The following PCYT1B variants were observed in gnomAD, a reference collection of about 807,000 sequenced individuals.
The protein encoded by PCYT1B is phosphate cytidylyltransferase 1B, choline.
In PCYT1B, 10 loss-of-function variants were observed where a neutral mutation model predicts 26.4. That is an observed-to-expected ratio of 0.38 (90% CI 0.23 to 0.64). PCYT1B has a LOEUF of 0.64. PCYT1B is among the 30% of genes least tolerant of loss of function. PCYT1B has a pLI of 0.56. For missense variants in PCYT1B, 161 were observed against 292.7 expected, an observed-to-expected ratio of 0.55 and a Z score of 3.28; for synonymous variants, 131 against 108.4, an observed-to-expected ratio of 1.21 and a Z score of -1.29.
intron 1 of PCYT1B, among the ~76,000 whole-genome samples, chrX:24,637,479 T>TAAAAAAAAAA (rs1201643219): frequency 6.7e-5 from 4 of 59,491 alleles, no homozygotes; most frequent in African/African-American, 4.6e-4. Flanking sequence ...CCATCTCTAC[T>TAAAAAAAAAA]AAAAAAAAAA....
At chrX:24,601,136 A>T (rs1924946413) in intron 3 of PCYT1B, among the ~76,000 whole-genome samples, 2 of 112,029 alleles carry the variant, frequency 1.8e-5, no homozygotes, top group Non-Finnish European at 3.8e-5. Context: ...GATAAGGTGG[A>T]CTTTATTAAA....
chrX:24,656,634 G>A (rs1268439962), intron 1 of PCYT1B, among the ~76,000 whole-genome samples: 6 of 87,847 alleles, frequency 6.8e-5, no homozygotes, highest in Non-Finnish European at 1.2e-4. Flanking sequence ...TCGGCTCACT[G>A]CAGCCTCTGC....
intron 3 of PCYT1B, among the ~76,000 whole-genome samples, chrX:24,593,574 T>G (rs1924677008): frequency 9.4e-6 from 1 of 106,751 alleles, no homozygotes; most frequent in Non-Finnish European, 1.9e-5. Context: ...TTGCCCAGGC[T>G]GGAGTGCAAT....
At chrX:24,615,840 T>C (rs1925472349) in intron 2 of PCYT1B, among the ~76,000 whole-genome samples, 1 of 112,115 alleles carries the variant, frequency 8.9e-6, no homozygotes, top group African/African-American at 3.2e-5. Flanking sequence ...AGATCACAGC[T>C]ACTGTCTGAG....
intron 6 of PCYT1B, among the ~76,000 whole-genome samples, 172 bp downstream of exon 6, chrX:24,579,144 T>A (rs1602155803): frequency 2.4e-5 from 2 of 83,381 alleles, no homozygotes; most frequent in Non-Finnish European, 4.8e-5. Context: ...ACAAGTTAAA[T>A]CAAACTTAAA....
intron 1 of PCYT1B, among the ~76,000 whole-genome samples, chrX:24,662,434 C>G (rs1249493469): frequency 9.0e-6 from 1 of 111,188 alleles, no homozygotes; most frequent in Middle Eastern, 4.3e-3. Flanking sequence ...TCCTACAATG[C>G]ACAGGACAAT....
At chrX:24,577,611 C>T (rs1326854967) in intron 6 of PCYT1B, among the ~76,000 whole-genome samples, 1 of 112,049 alleles carries the variant, frequency 8.9e-6, no homozygotes, top group Admixed American at 9.5e-5. Flanking sequence ...ACTCTCAACA[C>T]TCCCTGCCTT....
intron 3 of PCYT1B, among the ~76,000 whole-genome samples, chrX:24,593,623 T>C (rs1244347481): frequency 9.2e-6 from 1 of 108,403 alleles, no homozygotes; most frequent in Non-Finnish European, 1.9e-5. Context: ...ACCTTCTGGG[T>C]TCAAGCAATT....
intron 3 of PCYT1B, among the ~76,000 whole-genome samples, chrX:24,602,489 C>T (rs1227156741): frequency 9.0e-6 from 1 of 111,112 alleles, no homozygotes; most frequent in Non-Finnish European, 1.9e-5. Flanking sequence ...GAAGGTATAA[C>T]GTTAAGAGTG....
intron 1 of PCYT1B, among the ~76,000 whole-genome samples, chrX:24,629,575 A>AAAAC (rs1925989265): frequency 3.0e-5 from 3 of 101,248 alleles, no homozygotes; most frequent in African/African-American, 7.0e-5. Context: ...AAAAAAAAAA[A>AAAAC]AAAAAAAAAA....
chrX:24,637,479 T>TAA (rs1201643219), intron 1 of PCYT1B, among the ~76,000 whole-genome samples: 724 of 59,160 alleles, frequency 0.012, 20 homozygotes, highest in South Asian at 0.016. Context: ...CCATCTCTAC[T>TAA]AAAAAAAAAA....
intron 3 of PCYT1B, among the ~76,000 whole-genome samples, chrX:24,597,555 C>A (rs1288315818): frequency 8.9e-6 from 1 of 112,272 alleles, no homozygotes; most frequent in Non-Finnish European, 1.9e-5. Flanking sequence ...CATGCTTACT[C>A]CACTTTACAA....
intron 1 of PCYT1B, among the ~76,000 whole-genome samples, chrX:24,654,749 C>CAAAAAAAA (rs574317952): frequency 9.3e-4 from 37 of 39,998 alleles, no homozygotes; most frequent in East Asian, 6.7e-3. Context: ...GACCCTGTCT[C>CAAAAAAAA]AAAAAAAAAA....
At chrX:24,646,504 C>T (rs1362396824) in intron 1 of PCYT1B, among the ~76,000 whole-genome samples, 2 of 111,155 alleles carry the variant, frequency 1.8e-5, no homozygotes, top group Non-Finnish European at 3.8e-5. Flanking sequence ...TTATTTTGAA[C>T]ATTTTCAAAC....
intron 1 of PCYT1B, among the ~76,000 whole-genome samples, chrX:24,657,572 C>G (rs1602212670): frequency 8.9e-6 from 1 of 112,251 alleles, no homozygotes; most frequent in East Asian, 2.8e-4. Context: ...GTCACAATCA[C>G]TGTTTCAGTC....
intron 1 of PCYT1B, among the ~76,000 whole-genome samples, chrX:24,643,959 C>T (rs891457866): frequency 8.9e-6 from 1 of 111,999 alleles, no homozygotes; most frequent in African/African-American, 3.2e-5. Context: ...CAGTGACCCA[C>T]ATACAATTTG....
At chrX:24,612,905 A>C (rs924030160) in intron 2 of PCYT1B, among the ~76,000 whole-genome samples, 3 of 112,553 alleles carry the variant, frequency 2.7e-5, no homozygotes, top group African/African-American at 9.7e-5. Flanking sequence ...TATGGCTATT[A>C]ACAAGGCTTG....
At chrX:24,611,682 T>C (rs909776688) in intron 2 of PCYT1B, among the ~76,000 whole-genome samples, 1 of 111,004 alleles carries the variant, frequency 9.0e-6, no homozygotes, top group Non-Finnish European at 1.9e-5. Context: ...ATTATAAGAC[T>C]CCATCTTGGC....
At chrX:24,600,793 A>G (rs750625347) in intron 3 of PCYT1B, among the ~76,000 whole-genome samples, 1 of 111,240 alleles carries the variant, frequency 9.0e-6, no homozygotes, top group East Asian at 2.8e-4. Flanking sequence ...CAAAAAGAAC[A>G]GACAAATACA....
Sources: allele counts gnomAD v4.1 joint callset (sites outside exome capture counted in the v4.1 genomes callset), GRCh38; gene constraint gnomAD v4.1.1; transcripts MANE v1.5; gene names NCBI Gene and HGNC (gene_info 2026-07-23, HGNC 2026-07-21).